UGGT1: variants seen among roughly 807,000 people sequenced by gnomAD.
UGGT1 encodes the protein UDP-glucose glycoprotein glucosyltransferase 1.
In UGGT1, 107 loss-of-function variants were observed where a neutral mutation model predicts 203.9. The observed-to-expected ratio is 0.52, with a 90% CI of 0.45 to 0.62. The LOEUF is 0.62. Ranked by LOEUF, UGGT1 falls within the 20% of genes least tolerant of loss-of-function variation. The pLI, the probability that UGGT1 is intolerant of heterozygous loss-of-function variation, is 0.00. For missense variants in UGGT1, 1,673 were observed against 1,867.2 expected (o/e 0.90, Z 1.92); for synonymous variants, 628 against 653.5 (o/e 0.96, Z 0.59).
At position 128,142,453 on chromosome 2, in the gene UGGT1, C is replaced by T. The variant is rs188626374; in HGVS notation, c.1720-641C>T. Among the ~76,000 whole-genome samples, 103 of 150,832 alleles carry T rather than the reference C, an allele frequency of 6.8e-4. 1 individual carries two copies. In the East Asian group the frequency reaches 0.019, roughly 28 times the overall value. On this transcript the variant is annotated intron_variant, in intron 16 of 40. Coordinates refer to ENST00000259253, the MANE Select transcript of UGGT1 (RefSeq NM_020120.4). ...TACAAAAATTAGCTGGGCGTGGAGG[C>T]GTGTGCCTGTAGTCCCAGCTACTCA...
chr2:128,174,880 A>T, intron 31 of UGGT1, 22 bp downstream of exon 31: 1 of 1,597,128 alleles, frequency 6.3e-7, no homozygotes, highest in South Asian at 1.1e-5. Flanking sequence ...TGATGCAGTT[A>T]CATTATCCCA....
Position 128,155,322 on chromosome 2 carries a change from T to C in UGGT1, c.2138-167T>C, listed in dbSNP as rs75203194. ...TTGTGTCTTTGATGTGTGACTTCAG[T>C]AGGGATAGGGGCCATGTTGTGAAGT... is the stretch of plus-strand genomic sequence containing the variant. On this transcript the variant is annotated intron_variant, in intron 19 of 40. Coordinates refer to ENST00000259253, the MANE Select transcript of UGGT1 (RefSeq NM_020120.4). 2.4e-3 allele frequency among the ~76,000 whole-genome samples: 365 copies of C among 152,324 alleles called. 8 individuals carry two copies. In the East Asian group the frequency reaches 0.061, roughly 25 times the overall value.
chr2:128,112,454 T>TTTTATA (rs149422257), intron 5 of UGGT1, among the ~76,000 whole-genome samples: 17,160 of 55,834 alleles, frequency 0.31, 3,292 homozygotes, highest in Non-Finnish European at 0.38. Flanking sequence ...AAATACTATG[T>TTTTATA]TATATATATA....
At position 128,143,168 on chromosome 2, in the gene UGGT1, G is replaced by A. The variant is rs548464056; in HGVS notation, c.1794G>A (p.Pro598=). ...HVVSVLEKKY[P]YVEVNSILGI... is the part of the protein sequence containing the mutation. The stretch of plus-strand genomic sequence containing the variant: ...TCAGTGTCCTGGAGAAGAAATATCC[G>A]TATGTAGAAGTGAATAGCATTTTGG... Residue 598 remains proline, a synonymous_variant, in exon 17 of 41, where the codon CCG becomes CCA. Transcript: ENST00000259253. The A allele has an allele frequency of 3.5e-5, 57 of 1,613,782 alleles. No individual in the cohort carries two copies. In the Admixed American group the frequency reaches 6.0e-4, roughly 17 times the overall value.
intron 22 of UGGT1, among the ~76,000 whole-genome samples, chr2:128,157,711 G>T (rs1165259447): frequency 6.6e-6 from 1 of 152,190 alleles, no homozygotes; most frequent in Non-Finnish European, 1.5e-5. Flanking sequence ...TCTGGACATG[G>T]GGGCAGTAGC....
intron 7 of UGGT1, among the ~76,000 whole-genome samples, chr2:128,116,022 A>G (rs1052319227): frequency 1.3e-5 from 2 of 152,162 alleles, no homozygotes; most frequent in African/African-American, 4.8e-5. Flanking sequence ...AAATTTTCCA[A>G]AGTTTAAGGA....
chr2:128,178,435 C>G, intron 33 of UGGT1, 33 bp from the exon 34 acceptor site: 1 of 1,564,004 alleles, frequency 6.4e-7, no homozygotes, highest in South Asian at 1.2e-5. Flanking sequence ...ATGAGTGTTT[C>G]AAGTGGTCTT....
At position 128,191,112 on chromosome 2, in the gene UGGT1, T is replaced by A. The variant is rs1225365217; in HGVS notation, c.*1370T>A. 1 of 152,254 alleles carries A rather than the reference T, an allele frequency of 6.6e-6. No homozygotes were observed. Among genetic ancestry groups the A allele is most frequent in the African/African-American group, 2.4e-5 (1 of 41,476 alleles). The allele number at this position is 152,254 out of a possible 1,614,324, so 9.4% of individuals were successfully genotyped here. A position where few individuals can be genotyped will look rare whatever the true frequency, so the allele number is the denominator to read the frequency against. ...GCAGCACTGGCATAGACAGGCACGC[T>A]CTGTCTTCCAACGTGCACCAGCCTT... On this transcript the variant is annotated 3_prime_UTR_variant, in exon 41 of 41. Coordinates refer to ENST00000259253, the MANE Select transcript of UGGT1 (RefSeq NM_020120.4).
intron 9 of UGGT1, among the ~76,000 whole-genome samples, 184 bp downstream of exon 9, chr2:128,120,640 C>A (rs1688333729): frequency 6.6e-6 from 1 of 152,172 alleles, no homozygotes; most frequent in South Asian, 2.1e-4. Context: ...AAACAGATAA[C>A]ACTAGGTAGA....
At chr2:128,161,345 G>A in intron 25 of UGGT1, 77 bp downstream of exon 25, 1 of 1,509,712 alleles carries the variant, frequency 6.6e-7, no homozygotes, top group Non-Finnish European at 8.9e-7. Context: ...ATTATATGTT[G>A]TTACTCATAC....
intron 2 of UGGT1, among the ~76,000 whole-genome samples, chr2:128,102,823 TTTAA>T (rs1263638694): frequency 2.0e-5 from 3 of 152,222 alleles, no homozygotes; most frequent in African/African-American, 7.2e-5. Flanking sequence ...TGAATGTGCC[TTTAA>T]TTAATTAATT....
chr2:128,133,392 C>T, intron 14 of UGGT1, 132 bp downstream of exon 14: 2 of 1,236,818 alleles, frequency 1.6e-6, no homozygotes, highest in Non-Finnish European at 2.3e-6. Context: ...AAATACTCTT[C>T]CCTGTTCACA....
In UGGT1 at chr2:128,143,115, G is replaced by A. The variant is rs778926620; in HGVS notation, c.1741G>A (p.Gly581Arg). 3 of 1,610,006 alleles carry A rather than the reference G, an allele frequency of 1.9e-6. No individual in the cohort carries two copies. The highest frequency in any genetic ancestry group is 2.2e-5 in the East Asian group (1 of 44,530). ...TCAGATCTATAACAAGGTGAGGACTGGAGAAAAAGTGAAAGTTGAACATGT... is the reference window on the plus strand; with the variant it reads ...TCAGATCTATAACAAGGTGAGGACTAGAGAAAAAGTGAAAGTTGAACATGT... ...LTHIYNKVRT[G>R]EKVKVEHVVS... The change falls in exon 17 of 41, where the codon GGA becomes AGA. Residue 581 changes from glycine to arginine, a missense_variant. Gly to Arg is a moderately radical substitution (Grantham distance 125). This residue lies in a region of UGGT1 where 1,073 missense variants were observed against 1,078.7 expected (regional missense o/e 0.99). Transcript: ENST00000259253.
intron 18 of UGGT1, among the ~76,000 whole-genome samples, chr2:128,147,914 T>C (rs1032075421): frequency 5.3e-5 from 8 of 152,122 alleles, no homozygotes; most frequent in African/African-American, 1.9e-4. Flanking sequence ...CCACCATTTC[T>C]GCATATTTAA....
intron 26 of UGGT1, among the ~76,000 whole-genome samples, chr2:128,165,476 T>A (rs761043745): frequency 6.6e-6 from 1 of 152,162 alleles, no homozygotes; most frequent in African/African-American, 2.4e-5. Context: ...GGCCAGCGGA[T>A]CACCTGAGGT....
At chr2:128,170,466 C>G in intron 27 of UGGT1, 76 bp downstream of exon 27, 1 of 1,332,418 alleles carries the variant, frequency 7.5e-7, no homozygotes, top group South Asian at 1.2e-5. Flanking sequence ...CTGAGAGCTT[C>G]GTTTTCCTTG....
intron 1 of UGGT1, among the ~76,000 whole-genome samples, chr2:128,096,714 A>G (rs1687131727): frequency 1.3e-5 from 2 of 152,188 alleles, no homozygotes; most frequent in Admixed American, 6.5e-5. Context: ...TAGGATTTCC[A>G]TATCTTTTTT....
intron 12 of UGGT1, among the ~76,000 whole-genome samples, chr2:128,128,521 C>A (rs1464931152): frequency 6.6e-6 from 1 of 152,024 alleles, no homozygotes; most frequent in Non-Finnish European, 1.5e-5. Flanking sequence ...ACCATGTTGG[C>A]CAGGCTGGTC....
At position 128,125,285 on chromosome 2, in the gene UGGT1, G is replaced by T. The variant is rs543603466; in HGVS notation, c.1134+2039G>T. On this transcript the variant is annotated intron_variant, in intron 11 of 40. Transcript: ENST00000259253. Reference sequence around the variant, plus strand: ...TGAGCCTTCATTTTGCTGGAGTAGGGGGTAGCACCGACCTCAGGCACCTGG... The same window carrying T: ...TGAGCCTTCATTTTGCTGGAGTAGGTGGTAGCACCGACCTCAGGCACCTGG... Among the ~76,000 whole-genome samples, 4 of 152,224 alleles carry T rather than the reference G, an allele frequency of 2.6e-5. No individual in the cohort carries two copies. The East Asian group carries it at 7.7e-4, about 29-fold the overall frequency.
Sources: gnomAD v4.1 joint callset for allele counts (sites outside exome capture counted in the v4.1 genomes callset) on GRCh38, gnomAD v4.1.1 for gene constraint, gnomAD v4.1.1 regional missense constraint, MANE v1.5 for transcripts, NCBI Gene and HGNC (gene_info 2026-07-23, HGNC 2026-07-21) for gene names.